Variants in MMP26 observed in about 807,000 individuals in gnomAD.
The protein encoded by MMP26 is matrix metalloproteinase-26.
A neutral mutation model predicts 31.0 loss-of-function variants in MMP26; 33 were observed. The observed-to-expected ratio is 1.06, with a 90% CI of 0.81 to 1.42. MMP26 has a LOEUF of 1.42. Ranked by LOEUF, MMP26 falls within the 40% of genes most tolerant of loss-of-function variation. The pLI is 0.00. For missense variants in MMP26, 347 were observed against 316.1 expected (o/e 1.10, Z -0.74); for synonymous variants, 122 against 114.9 (o/e 1.06, Z -0.40).
At chr11:4,773,498 A>G (rs1204016494) in intron 2 of MMP26, among the ~76,000 whole-genome samples, 3 of 152,298 alleles carry the variant, frequency 2.0e-5, no homozygotes, top group South Asian at 2.1e-4. Flanking sequence ...GCCTTCCACA[A>G]TAAGGCTTCA....
At chr11:4,803,413 G>C in intron 2 of MMP26, 2 of 1,482,112 alleles carry the variant, frequency 1.3e-6, no homozygotes, top group Non-Finnish European at 1.9e-6. Context: ...GTAAGTGATG[G>C]GGATACACTG....
chr11:4,761,655 C>A (rs1365568095), intron 1 of MMP26, among the ~76,000 whole-genome samples: 1 of 152,116 alleles, frequency 6.6e-6, no homozygotes, highest in Non-Finnish European at 1.5e-5. Context: ...TGAATCATTT[C>A]TTTAGAGATG....
intron 2 of MMP26, among the ~76,000 whole-genome samples, chr11:4,977,668 C>T (rs1380116052): frequency 1.3e-5 from 2 of 152,076 alleles, no homozygotes; most frequent in Non-Finnish European, 2.9e-5. Context: ...CTGGAAGCAG[C>T]TTTTTCAGAA....
At chr11:4,780,899 G>A (rs912097086) in intron 2 of MMP26, among the ~76,000 whole-genome samples, 1 of 151,534 alleles carries the variant, frequency 6.6e-6, no homozygotes. Context: ...ATATGTATCT[G>A]TAGATATGTA....
chr11:4,962,046 G>T (rs1460327439), intron 2 of MMP26, among the ~76,000 whole-genome samples: 4 of 151,808 alleles, frequency 2.6e-5, no homozygotes, highest in African/African-American at 9.7e-5. Context: ...GTTTTTGTTT[G>T]TTTGTTTTTT....
chr11:4,818,363 G>A (rs544728001), intron 2 of MMP26, among the ~76,000 whole-genome samples: 24 of 150,200 alleles, frequency 1.6e-4, no homozygotes, highest in African/African-American at 4.4e-4. Flanking sequence ...TTTTATGTAC[G>A]TCATCAAACA....
intron 2 of MMP26, among the ~76,000 whole-genome samples, chr11:4,799,882 G>T (rs1400169589): frequency 6.6e-6 from 1 of 152,108 alleles, no homozygotes; most frequent in African/African-American, 2.4e-5. Context: ...CAAAATAATC[G>T]CCCCTTACTC....
In MMP26 at chr11:4,757,553, A is replaced by C. The variant is rs572767070; in HGVS notation, c.-216-9717A>C. 3.4e-5 allele frequency among the ~76,000 whole-genome samples: 5 copies of C among 148,358 alleles called. No individual in the cohort carries two copies. The South Asian group carries it at 6.2e-4, about 19-fold the overall frequency. ...AGAATAGAGAAAACAGACTGGGAGA[A>C]AATATTTGCATAAAAAACTCATATA... On this transcript the variant is annotated intron_variant, in intron 1 of 7. Transcript: ENST00000380390.
At chr11:4,822,060 C>A (rs775471879) in intron 2 of MMP26, 3 of 1,613,512 alleles carry the variant, frequency 1.9e-6, no homozygotes, top group African/African-American at 1.3e-5. Flanking sequence ...GGTTTGACTG[C>A]CCTTGCATCC....
intron 2 of MMP26, chr11:4,881,992 T>C (rs1224825920): frequency 6.2e-7 from 1 of 1,613,904 alleles, no homozygotes. Flanking sequence ...GGATCTCCAT[T>C]CCAGTCTGCT....
At chr11:4,903,803 A>G (rs1051489473) in intron 2 of MMP26, 1 of 152,088 alleles carries the variant, frequency 6.6e-6, no homozygotes, top group African/African-American at 2.4e-5. Context: ...GGTTCTGGTA[A>G]GGTTAAGGAG....
At chr11:4,868,739 A>T (rs1044373808) in intron 2 of MMP26, among the ~76,000 whole-genome samples, 8 of 152,196 alleles carry the variant, frequency 5.3e-5, no homozygotes, top group African/African-American at 1.9e-4. Flanking sequence ...TATGGAACCA[A>T]AAAAGAGCCC....
chr11:4,731,908 T>A (rs1043424298), intron 1 of MMP26, among the ~76,000 whole-genome samples: 3 of 152,206 alleles, frequency 2.0e-5, no homozygotes, highest in African/African-American at 7.2e-5. Flanking sequence ...TCGGGAGGCA[T>A]GGTAGACTAT....
chr11:4,963,408 T>G (rs6578537), intron 2 of MMP26, among the ~76,000 whole-genome samples: 3 of 151,862 alleles, frequency 2.0e-5, no homozygotes, highest in South Asian at 2.1e-4. Flanking sequence ...TGGAACCAAA[T>G]AAGAGCCCAT....
In MMP26 at chr11:4,861,037, T is replaced by C. The variant is rs182808506; in HGVS notation, c.-145+93696T>C. 7.9e-3 allele frequency among the ~76,000 whole-genome samples: 1,179 copies of C among 149,898 alleles called. 14 individuals carry two copies. The highest frequency in any genetic ancestry group is 0.012 in the Non-Finnish European group (798 of 67,480). ...ACTGTCATCACAACCTACATCCACATAAATCCATGTGTATAAGGGTATTAT... is the reference window on the plus strand; with the variant it reads ...ACTGTCATCACAACCTACATCCACACAAATCCATGTGTATAAGGGTATTAT... On this transcript the variant is annotated intron_variant, in intron 2 of 7. Transcript: ENST00000380390.
rs61116926 is a variant in MMP26 at position 4,811,438 on chromosome 11, A to G, written c.-145+44097A>G. ...TACACAATGTTTAGCTTTCACTTGT[A>G]AATGAGAACATGTGGTATTTGGTTT... On this transcript the variant is annotated intron_variant, in intron 2 of 7. Transcript: ENST00000380390. 8.5e-3 allele frequency among the ~76,000 whole-genome samples: 1,293 copies of G among 152,310 alleles called. 22 individuals carry two copies. The highest frequency in any genetic ancestry group is 0.028 in the African/African-American group (1,178 of 41,576).
At chr11:4,720,327 A>C (rs1444496954) in intron 1 of MMP26, among the ~76,000 whole-genome samples, 1 of 152,238 alleles carries the variant, frequency 6.6e-6, no homozygotes, top group Non-Finnish European at 1.5e-5. Flanking sequence ...CCATCTTCAA[A>C]TAAATTAATT....
At chr11:4,723,044 T>A (rs1442252145) in intron 1 of MMP26, 3 of 1,106,914 alleles carry the variant, frequency 2.7e-6, no homozygotes, top group South Asian at 2.5e-5. Context: ...CAGGGCCAGT[T>A]TGACTTTCAT....
chr11:4,809,095 C>A (rs1468421474), intron 2 of MMP26, among the ~76,000 whole-genome samples: 1 of 151,984 alleles, frequency 6.6e-6, no homozygotes, highest in Admixed American at 6.6e-5. Context: ...AATGTACATT[C>A]TCTAAAAGGT....
Sources: allele counts gnomAD v4.1 joint callset (sites outside exome capture counted in the v4.1 genomes callset), GRCh38; gene constraint gnomAD v4.1.1; transcripts MANE v1.5; gene names NCBI Gene and HGNC (gene_info 2026-07-23, HGNC 2026-07-21).